GMCL1: variants seen among roughly 807,000 people sequenced by gnomAD.
GMCL1 encodes the protein germ cell-less protein-like 1.
A neutral mutation model predicts 75.5 loss-of-function variants in GMCL1; 54 were observed. The ratio of observed to expected loss-of-function variants is 0.71; its 90% confidence interval spans 0.57 to 0.90. The LOEUF is 0.90. Ranked by LOEUF, GMCL1 falls within the 40% of genes least tolerant of loss-of-function variation. The pLI, the probability that GMCL1 is intolerant of heterozygous loss-of-function variation, is 0.00. For synonymous variants in GMCL1, 210 were observed against 209.6 expected (o/e 1.00, Z -0.02); for missense variants, 537 against 622.7 (o/e 0.86, Z 1.47).
chr2:69,855,332 A>G (rs10209666), intron 9 of GMCL1, among the ~76,000 whole-genome samples: 12,061 of 151,768 alleles, frequency 0.079, 1,243 homozygotes, highest in Admixed American at 0.23. Flanking sequence ...GTTTATTTTG[A>G]TTTTTTCTTA....
At chr2:69,870,048 A>C (rs1470047919) in intron 12 of GMCL1, among the ~76,000 whole-genome samples, 184 bp downstream of exon 12, 1 of 148,420 alleles carries the variant, frequency 6.7e-6, no homozygotes, top group South Asian at 2.2e-4. Context: ...CATAGGATCT[A>C]GTATGTCAGG....
In GMCL1 at chr2:69,830,022, T is replaced by G; in HGVS notation, c.130T>G (p.Cys44Gly). The G allele has an allele frequency of 6.4e-7, 1 of 1,564,192 alleles. No homozygotes were observed. The highest frequency in any genetic ancestry group is 8.7e-7 in the Non-Finnish European group (1 of 1,154,320). Residue 44 changes from cysteine (C) to glycine (G), a missense_variant, in exon 1 of 14, where the codon TGT becomes GGT. Around this residue, in one of 3 missense-constraint regions of GMCL1, gnomAD observed 144 missense variants for 127.2 expected, o/e 1.13. Coordinates refer to ENST00000282570, the MANE Select transcript of GMCL1 (RefSeq NM_178439.5). ...AGACGATGCGGCGGGCCACGGATTC[T>G]GTTACTGTGCGGGCAGCCACAAGCG... The part of the protein sequence containing the change: ...TGDDAAGHGF[C>G]YCAGSHKRKR...
intron 8 of GMCL1, among the ~76,000 whole-genome samples, chr2:69,854,024 T>G (rs1312680047): frequency 6.6e-6 from 1 of 152,048 alleles, no homozygotes; most frequent in African/African-American, 2.4e-5. Context: ...AGGCTGATCT[T>G]GAACTCCTGA....
In GMCL1 at chr2:69,869,718, G is replaced by A; in HGVS notation, c.1219-1G>A. On this transcript the variant is annotated splice_acceptor_variant, in intron 11 of 13. Coordinates refer to ENST00000282570, the MANE Select transcript of GMCL1 (RefSeq NM_178439.5). LOFTEE classifies it high-confidence loss of function. ...TAAGTCTTCTCTCTTGTATTTTTTA[G>A]TACTGCTGGCGTTGGACAGGTTTTA... is the stretch of plus-strand genomic sequence containing the variant. 2 of 1,612,572 alleles carry A rather than the reference G, an allele frequency of 1.2e-6. No homozygotes were observed. Among genetic ancestry groups the A allele is most frequent in the Non-Finnish European group, 1.7e-6 (2 of 1,179,472 alleles).
At position 69,844,391 on chromosome 2, in the gene GMCL1, G is replaced by GA. The variant is rs1337813951; in HGVS notation, c.758+196dup. The GA allele has an allele frequency of 1.3e-5, 5 of 397,416 alleles. No homozygotes were observed. In the Admixed American group the frequency reaches 1.8e-4, roughly 14 times the overall value. 24.6% of individuals were successfully genotyped at this position (397,416 alleles called of 1,614,324 possible). A position where few individuals can be genotyped will look rare whatever the true frequency, so the allele number is the denominator to read the frequency against. ...TTTCTTTGTTGTGAATAATATAATG[G>GA]ATATTATGTCTACTGTTTTAACCGA... is the stretch of plus-strand genomic sequence containing the variant. On this transcript the variant is annotated intron_variant, in intron 6 of 13. Coordinates refer to ENST00000282570, the MANE Select transcript of GMCL1 (RefSeq NM_178439.5).
intron 2 of GMCL1, among the ~76,000 whole-genome samples, 171 bp from the exon 3 acceptor site, chr2:69,839,286 T>C (rs921598498): frequency 1.3e-5 from 2 of 152,258 alleles, no homozygotes; most frequent in African/African-American, 2.4e-5. Context: ...AGTGTCCTTA[T>C]CTTAATTTCT....
chr2:69,843,488 T>TA (rs1487097364), intron 5 of GMCL1, among the ~76,000 whole-genome samples: 1 of 152,188 alleles, frequency 6.6e-6, no homozygotes, highest in Non-Finnish European at 1.5e-5. Context: ...TACATGCTTA[T>TA]AAAAACCATG....
chr2:69,833,620 A>C (rs1674736141), intron 1 of GMCL1, among the ~76,000 whole-genome samples: 1 of 152,236 alleles, frequency 6.6e-6, no homozygotes, highest in Non-Finnish European at 1.5e-5. Flanking sequence ...TGTCTCAAAA[A>C]CTAAACAAAT....
intron 7 of GMCL1, among the ~76,000 whole-genome samples, chr2:69,847,980 C>T (rs1305620851): frequency 6.6e-6 from 1 of 152,190 alleles, no homozygotes; most frequent in East Asian, 1.9e-4. Flanking sequence ...CATTTTTACA[C>T]ACGCTTTTTC....
intron 9 of GMCL1, 55 bp from the exon 10 acceptor site, chr2:69,861,223 T>TAA (rs1675632986): frequency 3.3e-6 from 4 of 1,224,960 alleles, no homozygotes; most frequent in Non-Finnish European, 4.7e-6. Context: ...AATGTTTAAA[T>TAA]CCTTTATGTT....
intron 4 of GMCL1, chr2:69,842,770 AACTG>A (rs1202535363): frequency 6.4e-6 from 1 of 155,898 alleles, no homozygotes; most frequent in East Asian, 1.9e-4. Flanking sequence ...TCACATGGTT[AACTG>A]ACTATGTAGA....
chr2:69,833,889 C>T (rs763625667), intron 1 of GMCL1, among the ~76,000 whole-genome samples: 2 of 152,164 alleles, frequency 1.3e-5, no homozygotes, highest in Admixed American at 6.5e-5. Flanking sequence ...AAAATTGAAA[C>T]GACATTACAT....
chr2:69,853,294 C>T (rs956897125), intron 8 of GMCL1, among the ~76,000 whole-genome samples: 6 of 152,156 alleles, frequency 3.9e-5, no homozygotes, highest in Admixed American at 3.9e-4. Context: ...CTGTCACACA[C>T]CTGTTGTATA....
Position 69,844,164 on chromosome 2 carries a change from T to C in GMCL1, c.726T>C (p.Thr242=), listed in dbSNP as rs779166224. 3 of 1,576,320 alleles carry C rather than the reference T, an allele frequency of 1.9e-6. No individual in the cohort carries two copies. The highest frequency in any genetic ancestry group is 2.6e-6 in the Non-Finnish European group (3 of 1,160,074). The change falls in exon 6 of 14, where the codon ACT becomes ACC. Residue 242 remains threonine, a synonymous_variant. Coordinates refer to ENST00000282570, the MANE Select transcript of GMCL1 (RefSeq NM_178439.5). ...AATGGCTTCTAAACAATTTGATGAC[T>C]CACCAGAATGTTGAACTTTTTAAAG... ...CLEWLLNNLM[T]HQNVELFKEL...
At position 69,829,693 on chromosome 2, in the gene GMCL1, C is replaced by G; in HGVS notation, c.-200C>G. 1.8e-6 allele frequency: 1 copy of G among 569,346 alleles called. No homozygotes were observed. The highest frequency in any genetic ancestry group is 2.4e-5 in the South Asian group (1 of 41,416). The allele number at this position is 569,346 out of a possible 1,614,324, so 35.3% of individuals were successfully genotyped here. On this transcript the variant is annotated 5_prime_UTR_variant, in exon 1 of 14. Coordinates refer to ENST00000282570, the MANE Select transcript of GMCL1 (RefSeq NM_178439.5). Reference sequence around the variant, plus strand: ...GCGAAAGCGAGGGGGCGAGGTGCTGCGGTGCTAGAGCGCGGCGCGACCGGA... The same window carrying G: ...GCGAAAGCGAGGGGGCGAGGTGCTGGGGTGCTAGAGCGCGGCGCGACCGGA...
At chr2:69,838,105 A>G (rs1221264695) in intron 2 of GMCL1, among the ~76,000 whole-genome samples, 2 of 152,114 alleles carry the variant, frequency 1.3e-5, no homozygotes, top group Non-Finnish European at 2.9e-5. Context: ...GGTAAAGACA[A>G]CACCAAAAAG....
At chr2:69,840,901 T>TA in intron 3 of GMCL1, 41 bp from the exon 4 acceptor site, 4 of 1,333,504 alleles carry the variant, frequency 3.0e-6, no homozygotes, top group Non-Finnish European at 4.3e-6. Flanking sequence ...TTGTAATAGA[T>TA]ATAAATATTA....
chr2:69,871,701 T>C, intron 12 of GMCL1, 44 bp from the exon 13 acceptor site: 2 of 1,049,416 alleles, frequency 1.9e-6, no homozygotes, highest in Non-Finnish European at 1.4e-6. Flanking sequence ...TAATCTGTGG[T>C]TTAAAAATCT....
At chr2:69,837,993 GT>G (rs1288014711) in intron 2 of GMCL1, among the ~76,000 whole-genome samples, 1 of 152,080 alleles carries the variant, frequency 6.6e-6, no homozygotes, top group Non-Finnish European at 1.5e-5. Flanking sequence ...AGATTGTAGT[GT>G]TTATTTTGCT....
Sources: allele counts gnomAD v4.1 joint callset (sites outside exome capture counted in the v4.1 genomes callset), GRCh38; gene constraint gnomAD v4.1.1; regional missense constraint gnomAD v4.1.1; transcripts MANE v1.5; gene names NCBI Gene and HGNC (gene_info 2026-07-23, HGNC 2026-07-21).